Variants in ZDHHC8 observed in about 807,000 individuals in gnomAD.
ZDHHC8 encodes palmitoyltransferase ZDHHC8.
ZDHHC8 carries 24 observed loss-of-function variants against 61.2 expected under a neutral mutation model. The observed-to-expected ratio is 0.39, with a 90% CI of 0.28 to 0.55. ZDHHC8 has a LOEUF of 0.55. Among genes scored for constraint, ZDHHC8 ranks in the 20% least tolerant of loss-of-function variants. ZDHHC8 has a pLI of 0.60. For synonymous variants in ZDHHC8, 523 were observed against 492.5 expected, an observed-to-expected ratio of 1.06 and a Z score of -0.82; for missense variants, 935 against 1,102.1, an observed-to-expected ratio of 0.85 and a Z score of 2.15.
chr22:20,144,381 C>T (rs1311310674), intron 10 of ZDHHC8, among the ~76,000 whole-genome samples: 1 of 152,190 alleles, frequency 6.6e-6, no homozygotes, highest in Non-Finnish European at 1.5e-5. Context: ...GCTCACAGGC[C>T]CAGGTCCAGG....
At chr22:20,138,152 G>A (rs1456904357) in intron 1 of ZDHHC8, among the ~76,000 whole-genome samples, 1 of 152,268 alleles carries the variant, frequency 6.6e-6, no homozygotes, top group African/African-American at 2.4e-5. Context: ...TAGGCAGCGC[G>A]TGGGCCCCAT....
rs773453457 is a variant in ZDHHC8, at chr22:20,142,956, C to T, written c.1326C>T (p.Gly442=). 2.1e-5 allele frequency: 34 copies of T among 1,600,608 alleles called. No individual in the cohort carries two copies. The highest frequency in any genetic ancestry group is 1.2e-4 in the South Asian group (11 of 90,142). Residue 442 remains glycine, a synonymous_variant, in exon 10 of 11, where the codon GGC becomes GGT. Coordinates refer to ENST00000334554, the MANE Select transcript of ZDHHC8 (RefSeq NM_013373.4). ...SLSLKASSRR[G]GDHVALQPLR... is the part of the protein sequence containing the mutation. ...GCCTCAAGGCCTCGAGCCGGCGGGGCGGGGATCATGTGGCCCTGCAGCCCC... is the reference window on the plus strand; with the variant it reads ...GCCTCAAGGCCTCGAGCCGGCGGGGTGGGGATCATGTGGCCCTGCAGCCCC...
Position 20,147,067 on chromosome 22 carries a change from C to A in ZDHHC8, c.*1667C>A, listed in dbSNP as rs2148012323. 2 of 1,499,586 alleles carry A rather than the reference C, an allele frequency of 1.3e-6. No individual in the cohort carries two copies. The highest frequency in any genetic ancestry group is 1.3e-5 in the South Asian group (1 of 79,166). The allele number at this position is 1,499,586 out of a possible 1,614,324, so 92.9% of individuals were successfully genotyped here. On this transcript the variant is annotated 3_prime_UTR_variant, in exon 11 of 11. Coordinates refer to ENST00000334554, the MANE Select transcript of ZDHHC8 (RefSeq NM_013373.4). ...CCGTGGATGGGGGCGGCGTGGCCAG[C>A]CTTGGGTGCCTCCTGGGCTGCACCT...
At chr22:20,141,672 C>T (rs2050472739) in intron 9 of ZDHHC8, 142 bp downstream of exon 9, 1 of 727,314 alleles carries the variant, frequency 1.4e-6, no homozygotes, top group Non-Finnish European at 2.3e-6. Context: ...TGAGGCCATG[C>T]CCCTCAGGGC....
chr22:20,138,241 G>T lies in ZDHHC8; in HGVS notation c.105-953G>T, dbSNP rs545100446. On this transcript the variant is annotated intron_variant, in intron 1 of 10. Coordinates refer to ENST00000334554, the MANE Select transcript of ZDHHC8 (RefSeq NM_013373.4). ...CCCCGACTATGCAGAGGGCCTGGGT[G>T]CAGGGAGGGACGCAAACCCCTGTGT... Among the ~76,000 whole-genome samples, 16 of 152,382 alleles carry T rather than the reference G, an allele frequency of 1.0e-4. No homozygotes were observed. The East Asian group carries it at 3.1e-3, about 29-fold the overall frequency.
chr22:20,147,232 C>A lies in ZDHHC8; in HGVS notation c.*1832C>A. The A allele has an allele frequency of 6.9e-7, 1 of 1,448,316 alleles. No homozygotes were observed. Among genetic ancestry groups the A allele is most frequent in the South Asian group, 1.4e-5 (1 of 70,620 alleles). The allele number at this position is 1,448,316 out of a possible 1,614,324, so 89.7% of individuals were successfully genotyped here. On this transcript the variant is annotated 3_prime_UTR_variant, in exon 11 of 11. Transcript: ENST00000334554. ...TTTCCCCAGCCTCTCGGGGCCCTAG[C>A]AGGATGACAAGTAGGCGGCTCTGGG...
chr22:20,147,498 T>A lies in ZDHHC8; in HGVS notation c.*2098T>A. 5.0e-6 allele frequency: 1 copy of A among 198,300 alleles called. No homozygotes were observed. The highest frequency in any genetic ancestry group is 1.4e-4 in the East Asian group (1 of 7,170). The allele number at this position is 198,300 out of a possible 1,614,324, so 12.3% of individuals were successfully genotyped here. A position where few individuals can be genotyped will look rare whatever the true frequency, so the allele number is the denominator to read the frequency against. ...GGACCGGCACGACCTTTGCCCAGCC[T>A]CCCTACCCAACCAAGCACTTTAGAC... is the stretch of plus-strand genomic sequence containing the variant. On this transcript the variant is annotated 3_prime_UTR_variant, in exon 11 of 11. Coordinates refer to ENST00000334554, the MANE Select transcript of ZDHHC8 (RefSeq NM_013373.4).
In ZDHHC8 at chr22:20,145,401, G is replaced by A; in HGVS notation, c.*1G>A. 6.5e-7 allele frequency: 1 copy of A among 1,528,084 alleles called. No individual in the cohort carries two copies. Among genetic ancestry groups the A allele is most frequent in the Non-Finnish European group, 8.8e-7 (1 of 1,137,052 alleles). The allele number at this position is 1,528,084 out of a possible 1,614,324, so 94.7% of individuals were successfully genotyped here. ...GACCACCTACGAGATCTCGGTGTGA[G>A]GACTGACTGCCACACATCCGCCATG... On this transcript the variant is annotated 3_prime_UTR_variant, in exon 11 of 11. Transcript: ENST00000334554.
In ZDHHC8 at chr22:20,145,812, G is replaced by C; in HGVS notation, c.*412G>C. The C allele has an allele frequency of 1.0e-6, 1 of 988,594 alleles. No homozygotes were observed. The highest frequency in any genetic ancestry group is 1.1e-4 in the East Asian group (1 of 8,940). 61.2% of individuals were successfully genotyped at this position (988,594 alleles called of 1,614,324 possible). ...CCCAGAGATGGACAGAGGCACCCAG[G>C]GCCCCCACCGTCCTTCTGACACAGC... On this transcript the variant is annotated 3_prime_UTR_variant, in exon 11 of 11. Transcript: ENST00000334554.
In ZDHHC8 at chr22:20,145,985, G is replaced by T. The variant is rs377763846; in HGVS notation, c.*585G>T. ...GGTGGTGGTGGATAGGTGGACAGAC[G>T]GCCAGCCAGCCAGCTGTGGCCGGGG... On this transcript the variant is annotated 3_prime_UTR_variant, in exon 11 of 11. Coordinates refer to ENST00000334554, the MANE Select transcript of ZDHHC8 (RefSeq NM_013373.4). The T allele has an allele frequency of 3.9e-5, 38 of 985,704 alleles. No homozygotes were observed. The highest frequency in any genetic ancestry group is 3.1e-5 in the Non-Finnish European group (26 of 830,054). The allele number at this position is 985,704 out of a possible 1,614,324, so 61.1% of individuals were successfully genotyped here.
chr22:20,135,258 T>C (rs1226509345), intron 1 of ZDHHC8, among the ~76,000 whole-genome samples: 1 of 152,138 alleles, frequency 6.6e-6, no homozygotes, highest in Non-Finnish European at 1.5e-5. Context: ...CCTATGTTTC[T>C]GGGGGTTTTG....
intron 1 of ZDHHC8, 24 bp downstream of exon 1, chr22:20,132,075 GC>G: frequency 8.0e-7 from 1 of 1,250,014 alleles, no homozygotes; most frequent in Non-Finnish European, 1.0e-6. Context: ...GCGTCTGGGG[GC>G]ACGCGGGCAG....
intron 1 of ZDHHC8, among the ~76,000 whole-genome samples, 175 bp from the exon 2 acceptor site, chr22:20,139,019 G>A (rs542486856): frequency 7.2e-5 from 11 of 152,312 alleles, no homozygotes; most frequent in African/African-American, 2.6e-4. Flanking sequence ...GCCTCTGGCC[G>A]TTACTCGAAG....
intron 1 of ZDHHC8, among the ~76,000 whole-genome samples, chr22:20,136,082 A>T (rs1009220252): frequency 3.9e-5 from 6 of 152,006 alleles, no homozygotes; most frequent in Admixed American, 3.3e-4. Flanking sequence ...GTGGCCCTGG[A>T]GGAGGGATTG....
At chr22:20,136,628 TTGG>T (rs1442882056) in intron 1 of ZDHHC8, among the ~76,000 whole-genome samples, 1 of 152,202 alleles carries the variant, frequency 6.6e-6, no homozygotes, top group South Asian at 2.1e-4. Context: ...CACATAGGTC[TTGG>T]TGGGTGAGTG....
Position 20,143,003 on chromosome 22 carries a change from C to A in ZDHHC8, c.1373C>A (p.Pro458His), listed in dbSNP as rs769053695. ...LQPLRSEGGPPTPHRSIFAPH... is the reference protein window; with the variant it reads ...LQPLRSEGGPHTPHRSIFAPH... ...CCCCTGCGCTCTGAGGGGGGGCCCC[C>A]CACGCCCCACCGTAGCATTTTTGCC... Residue 458 changes from proline to histidine, a missense_variant, in exon 10 of 11, where the codon CCC becomes CAC. Pro to His is a moderately conservative substitution (Grantham distance 77). This residue lies in a region of ZDHHC8 where 692 missense variants were observed against 731.4 expected (regional missense o/e 0.95). Transcript: ENST00000334554. The A allele has an allele frequency of 1.9e-6, 3 of 1,607,778 alleles. No homozygotes were observed. The highest frequency in any genetic ancestry group is 2.2e-5 in the South Asian group (2 of 90,790).
rs557920951 is a variant in ZDHHC8, at chr22:20,142,834, C to G, written c.1204C>G (p.Leu402Val). 9.3e-6 allele frequency: 15 copies of G among 1,612,750 alleles called. No individual in the cohort carries two copies. In the East Asian group the frequency reaches 1.1e-4, roughly 12 times the overall value. Residue 402 changes from leucine (L) to valine (V), a missense_variant, in exon 10 of 11, where the codon CTC becomes GTC. By Grantham distance (32) the Leu-to-Val change is conservative. Coordinates refer to ENST00000334554, the MANE Select transcript of ZDHHC8 (RefSeq NM_013373.4). ...CTTTGTGTCCGAGCCGAGCCTGGACCTCCCTGACTATGGGCCAGGGGGCCT... is the reference window on the plus strand; with the variant it reads ...CTTTGTGTCCGAGCCGAGCCTGGACGTCCCTGACTATGGGCCAGGGGGCCT... ...LDFVSEPSLD[L>V]PDYGPGGLHA... is the part of the protein sequence containing the mutation.
At chr22:20,140,494 C>T in intron 5 of ZDHHC8, 123 bp from the exon 6 acceptor site, 3 of 1,079,456 alleles carry the variant, frequency 2.8e-6, no homozygotes, top group Non-Finnish European at 3.9e-6. Flanking sequence ...CTGGGCTGAT[C>T]CCACCTAAGC....
rs529714945 is a variant in ZDHHC8, at chr22:20,140,771, G to A, written c.752+63G>A. 20 of 1,595,170 alleles carry A rather than the reference G, an allele frequency of 1.3e-5. No individual in the cohort carries two copies. In the African/African-American group the frequency reaches 2.0e-4, roughly 16 times the overall value. ...GCTGGGTGTGGGGCGGGCAGCCTTA[G>A]ACCCTCTTGGTCCGTTTGGCTCTTG... On this transcript the variant is annotated intron_variant, in intron 6 of 10. Coordinates refer to ENST00000334554, the MANE Select transcript of ZDHHC8 (RefSeq NM_013373.4).
Sources: gnomAD v4.1 joint callset for allele counts (sites outside exome capture counted in the v4.1 genomes callset) on GRCh38, gnomAD v4.1.1 for gene constraint, gnomAD v4.1.1 regional missense constraint, MANE v1.5 for transcripts, NCBI Gene and HGNC (gene_info 2026-07-23, HGNC 2026-07-21) for gene names.